GPHN: variants seen among roughly 807,000 people sequenced by gnomAD.
GPHN encodes the protein gephyrin.
GPHN carries 17 observed loss-of-function variants against 95.5 expected under a neutral mutation model. That is an observed-to-expected ratio of 0.18 (90% CI 0.12 to 0.27). The LOEUF is 0.27. Among genes scored for constraint, GPHN ranks in the 10% least tolerant of loss-of-function variants. The probability of loss-of-function intolerance (pLI) is 1.00; values close to 1 mark genes in which losing one functional copy is unlikely to be tolerated. For synonymous variants in GPHN, 320 were observed against 322.5 expected (o/e 0.99, Z 0.08); for missense variants, 660 against 978.1 (o/e 0.67, Z 4.34).
At chr14:67,550,649 T>C in the GPHN span, among the ~76,000 whole-genome samples, 1 of 152,202 alleles carries the variant, frequency 6.6e-6, no homozygotes, top group South Asian at 2.1e-4. Context: ...CTTACTGCTA[T>C]AGAAAATAGA....
intron 9 of GPHN, among the ~76,000 whole-genome samples, chr14:66,997,068 A>G (rs1394625723): frequency 2.6e-5 from 4 of 152,154 alleles, no homozygotes; most frequent in African/African-American, 9.7e-5. Context: ...TATGACAGGT[A>G]AATAAAAGAA....
At chr14:67,360,620 C>G in the GPHN span, 3 of 167,228 alleles carry the variant, frequency 1.8e-5, no homozygotes, top group Admixed American at 6.4e-5. Context: ...CGTGGGCCTC[C>G]TCGCCGGCTC....
intron 2 of GPHN, among the ~76,000 whole-genome samples, chr14:66,750,437 A>G (rs1239909335): frequency 6.6e-6 from 1 of 151,938 alleles, no homozygotes; most frequent in East Asian, 1.9e-4. Context: ...GTCAGGAAAT[A>G]AGGAAAGGAC....
intron 21 of GPHN, among the ~76,000 whole-genome samples, chr14:67,170,459 TAA>T (rs550075476): frequency 1.3e-5 from 2 of 152,234 alleles, no homozygotes; most frequent in South Asian, 2.1e-4. Flanking sequence ...CACATTATTA[TAA>T]GAGAGAGAGA....
chr14:67,516,917 G>A, the GPHN span, among the ~76,000 whole-genome samples: 1,727 of 152,298 alleles, frequency 0.011, 10 homozygotes, highest in Non-Finnish European at 0.018. Context: ...TTCCCCCTGA[G>A]TTTGTTTCCT....
chr14:67,182,840 TC>T (rs1417970931), downstream of GPHN, among the ~76,000 whole-genome samples: 2 of 138,508 alleles, frequency 1.4e-5, no homozygotes, highest in Non-Finnish European at 1.6e-5. Flanking sequence ...TGTTAGTGGG[TC>T]TTTTTTTTTT....
chr14:67,555,262 CTTTCTAGTTCTTTA>C, the GPHN span, among the ~76,000 whole-genome samples: 1 of 152,340 alleles, frequency 6.6e-6, no homozygotes, highest in South Asian at 2.1e-4. Flanking sequence ...CTCTCTTTCT[CTTTCTAGTTCTTTA>C]AGATTCAAGA....
At chr14:67,703,014 C>G in the GPHN span, among the ~76,000 whole-genome samples, 1 of 151,992 alleles carries the variant, frequency 6.6e-6, no homozygotes, top group Non-Finnish European at 1.5e-5. Flanking sequence ...GAGTCAGAGT[C>G]TCACTATGTT....
At position 66,599,392 on chromosome 14, in the gene GPHN, A is replaced by ATTTTTTTTTTTT. The variant is rs765267813; in HGVS notation, c.65-81710_65-81699dup. ...TCTCTGATTTTACATTTTTTTTTGC[A>ATTTTTTTTTTTT]TTTTTTTTTTTTTTTTGCTAGATGC... On this transcript the variant is annotated intron_variant, in intron 1 of 22. Transcript: ENST00000478722. Among the ~76,000 whole-genome samples, 76 of 76,468 alleles carry ATTTTTTTTTTTT rather than the reference A, an allele frequency of 9.9e-4. 3 individuals are homozygous for ATTTTTTTTTTTT. Among genetic ancestry groups the ATTTTTTTTTTTT allele is most frequent in the African/African-American group, 5.0e-3 (70 of 13,904 alleles). The allele number at this position is 76,468 out of a possible 152,430, so 50.2% of individuals were successfully genotyped here. A position where few individuals can be genotyped will look rare whatever the true frequency, so the allele number is the denominator to read the frequency against.
chr14:66,967,612 G>T (rs2069431999), intron 9 of GPHN, among the ~76,000 whole-genome samples: 1 of 151,950 alleles, frequency 6.6e-6, no homozygotes, highest in Non-Finnish European at 1.5e-5. Context: ...AAATACTCCA[G>T]TGAACATTTC....
chr14:67,376,291 T>A, the GPHN span: 1 of 762,594 alleles, frequency 1.3e-6, no homozygotes, highest in Non-Finnish European at 2.0e-6. Flanking sequence ...CTCTACTTTT[T>A]ATACCCACTT....
intron 2 of GPHN, among the ~76,000 whole-genome samples, chr14:66,684,708 A>C (rs1287018545): frequency 9.9e-5 from 15 of 152,004 alleles, no homozygotes; most frequent in Admixed American, 7.2e-4. Context: ...GAAAGTTATG[A>C]ATCTCTAAGC....
chr14:66,834,633 G>C (rs376168007), intron 4 of GPHN, among the ~76,000 whole-genome samples: 2 of 151,396 alleles, frequency 1.3e-5, no homozygotes, highest in African/African-American at 4.9e-5. Context: ...TAAGCTTTTT[G>C]ATGTGCTGCT....
the GPHN span, among the ~76,000 whole-genome samples, chr14:67,654,826 G>A: frequency 7.3e-5 from 11 of 151,678 alleles, no homozygotes; most frequent in Non-Finnish European, 1.5e-4. Flanking sequence ...TTAAGAGATC[G>A]AGACCATCCT....
intron 9 of GPHN, among the ~76,000 whole-genome samples, chr14:67,014,024 T>C (rs1370988632): frequency 1.3e-5 from 2 of 152,046 alleles, no homozygotes; most frequent in African/African-American, 4.8e-5. Context: ...TTCTGAAAAC[T>C]TCCTGTTCAC....
chr14:66,701,103 C>A (rs192249614), intron 2 of GPHN, among the ~76,000 whole-genome samples: 1 of 152,116 alleles, frequency 6.6e-6, no homozygotes, highest in South Asian at 2.1e-4. Context: ...TCTGTGCATG[C>A]GCACATGTGC....
the GPHN span, among the ~76,000 whole-genome samples, chr14:67,416,014 C>T: frequency 1.3e-5 from 2 of 152,150 alleles, no homozygotes; most frequent in African/African-American, 4.8e-5. Context: ...GGAAAAATAG[C>T]TAGTGCATGT....
Position 66,834,024 on chromosome 14 carries a change from C to T in GPHN, c.294+9458C>T, listed in dbSNP as rs543109891. Among the ~76,000 whole-genome samples, 9 of 152,208 alleles carry T rather than the reference C, an allele frequency of 5.9e-5. 1 individual carries two copies. The South Asian group carries it at 6.2e-4, about 11-fold the overall frequency. On this transcript the variant is annotated intron_variant, in intron 4 of 22. Coordinates refer to ENST00000478722, the MANE Select transcript of GPHN (RefSeq NM_020806.5). The stretch of plus-strand genomic sequence containing the variant: ...ACATTTCAACCATCACTTCTTCTAT[C>T]GAAGAGTTCATTGTTTAGACAACTC...
At chr14:66,897,667 C>A (rs1479268561) in intron 5 of GPHN, among the ~76,000 whole-genome samples, 1 of 152,010 alleles carries the variant, frequency 6.6e-6, no homozygotes, top group Admixed American at 6.6e-5. Flanking sequence ...ATCAATAATT[C>A]CTTACATTTT....
Sources: allele counts gnomAD v4.1 joint callset (sites outside exome capture counted in the v4.1 genomes callset), GRCh38; gene constraint gnomAD v4.1.1; transcripts MANE v1.5; gene names NCBI Gene and HGNC (gene_info 2026-07-23, HGNC 2026-07-21).